Variants in BTRC observed in about 807,000 individuals in gnomAD.
The protein encoded by BTRC is beta-transducin repeat containing E3 ubiquitin protein ligase, also known as F-box/WD repeat-containing protein 1A.
In BTRC, 42 loss-of-function variants were observed where a neutral mutation model predicts 85.5. That is an observed-to-expected ratio of 0.49 (90% CI 0.38 to 0.64). The LOEUF is 0.64. BTRC is among the 30% of genes least tolerant of loss of function. The probability of loss-of-function intolerance (pLI) is 0.00; values close to 1 mark genes in which losing one functional copy is unlikely to be tolerated. For missense variants in BTRC, 594 were observed against 743.5 expected (o/e 0.80, Z 2.34); for synonymous variants, 255 against 263.3 (o/e 0.97, Z 0.30).
intron 1 of BTRC, among the ~76,000 whole-genome samples, chr10:101,363,973 A>G (rs1476114760): frequency 1.3e-5 from 2 of 152,126 alleles, no homozygotes; most frequent in East Asian, 3.9e-4. Context: ...ATTCTCTTGA[A>G]ATTGTGGGTT....
At chr10:101,376,312 AAG>A (rs1302762943) in intron 1 of BTRC, among the ~76,000 whole-genome samples, 19 of 152,184 alleles carry the variant, frequency 1.2e-4, no homozygotes, top group African/African-American at 4.3e-4. Flanking sequence ...GTGACAGAGC[AAG>A]ACTCCATCTC....
chr10:101,550,101 G>T lies in BTRC; in HGVS notation c.1657-598G>T, dbSNP rs2062626316. On this transcript the variant is annotated intron_variant, in intron 13 of 14. Coordinates refer to ENST00000370187, the MANE Select transcript of BTRC (RefSeq NM_033637.4). ...AACTTAGAAGATAAAAACCAGGGAG[G>T]TAGTAAGGAATGCTCTCATCCACCC... Among the ~76,000 whole-genome samples, 4 of 152,092 alleles carry T rather than the reference G, an allele frequency of 2.6e-5. No homozygotes were observed. The South Asian group carries it at 8.3e-4, about 32-fold the overall frequency.
chr10:101,495,664 T>C (rs1199815725), intron 4 of BTRC, among the ~76,000 whole-genome samples: 1 of 152,236 alleles, frequency 6.6e-6, no homozygotes, highest in Non-Finnish European at 1.5e-5. Context: ...AGTCCCTGTT[T>C]CCTTTATATC....
intron 1 of BTRC, among the ~76,000 whole-genome samples, chr10:101,366,386 A>G (rs1409810611): frequency 6.6e-6 from 1 of 152,144 alleles, no homozygotes; most frequent in East Asian, 1.9e-4. Flanking sequence ...ACAATCTAAT[A>G]AGATAGGCAT....
At chr10:101,365,011 C>T (rs1286653348) in intron 1 of BTRC, 1 of 151,772 alleles carries the variant, frequency 6.6e-6, no homozygotes, top group Non-Finnish European at 1.5e-5. Flanking sequence ...TACACTTGAT[C>T]TTAGCCAAAA....
chr10:101,475,900 GC>G (rs1250981211), intron 3 of BTRC, among the ~76,000 whole-genome samples: 1 of 109,754 alleles, frequency 9.1e-6, no homozygotes, highest in Non-Finnish European at 1.8e-5. Flanking sequence ...CAGAATATTT[GC>G]ATAGTCTCCA....
chr10:101,406,406 C>T (rs538240033), intron 1 of BTRC, among the ~76,000 whole-genome samples: 9 of 151,936 alleles, frequency 5.9e-5, no homozygotes, highest in East Asian at 5.8e-4. Context: ...CCTCGTGATC[C>T]GCCCGCCTCA....
chr10:101,437,933 G>T (rs796279338), intron 2 of BTRC, among the ~76,000 whole-genome samples: 52 of 152,322 alleles, frequency 3.4e-4, no homozygotes, highest in African/African-American at 1.2e-3. Flanking sequence ...AGCTGAGCTA[G>T]AATTAAAGTC....
intron 1 of BTRC, among the ~76,000 whole-genome samples, chr10:101,415,486 TTTATG>T (rs1191532968): frequency 0.069 from 1,180 of 17,042 alleles, 69 homozygotes; most frequent in African/African-American, 0.18. Context: ...TTTATTTTAT[TTTATG>T]TTATGTTATG....
chr10:101,496,582 A>G (rs1282974737), intron 4 of BTRC, among the ~76,000 whole-genome samples: 1 of 152,142 alleles, frequency 6.6e-6, no homozygotes, highest in Admixed American at 6.6e-5. Context: ...TTGCAATTTA[A>G]AAAATAATAA....
chr10:101,361,274 T>G (rs1031976647), intron 1 of BTRC, among the ~76,000 whole-genome samples: 2 of 151,940 alleles, frequency 1.3e-5, no homozygotes, highest in Non-Finnish European at 2.9e-5. Context: ...ACCTGGCTAA[T>G]TTTTTGTATT....
chr10:101,359,685 C>G (rs1452298923), intron 1 of BTRC, among the ~76,000 whole-genome samples: 2 of 151,520 alleles, frequency 1.3e-5, no homozygotes, highest in African/African-American at 4.8e-5. Flanking sequence ...ACTGCAACCT[C>G]TGCTTCTGAG....
intron 4 of BTRC, among the ~76,000 whole-genome samples, chr10:101,513,402 T>C (rs2061981144): frequency 6.6e-6 from 1 of 152,222 alleles, no homozygotes; most frequent in Non-Finnish European, 1.5e-5. Context: ...AACATTTTCA[T>C]TGTCCCAAAA....
At chr10:101,538,521 A>C in intron 13 of BTRC, 150 bp downstream of exon 13, 1 of 651,956 alleles carries the variant, frequency 1.5e-6, no homozygotes, top group Non-Finnish European at 2.7e-6. Flanking sequence ...ATGACAATAA[A>C]ATATGTTTAT....
Position 101,430,383 on chromosome 10 carries a change from C to T in BTRC, c.87C>T (p.Ser29=). ...MPRSLWLGCS[S]LADSMPSLRC... ...GGTCTCTGTGGCTGGGCTGCTCCAG[C>T]CTGGCGGACAGCATGCCTTCGCTGC... The change falls in exon 2 of 15, where the codon AGC becomes AGT. Residue 29 remains serine, a synonymous_variant. Transcript: ENST00000370187. 1 of 1,614,126 alleles carries T rather than the reference C, an allele frequency of 6.2e-7. No homozygotes were observed. Among genetic ancestry groups the T allele is most frequent in the Non-Finnish European group, 8.5e-7 (1 of 1,179,996 alleles).
chr10:101,408,021 C>T (rs1471207391), intron 1 of BTRC, among the ~76,000 whole-genome samples: 1 of 152,064 alleles, frequency 6.6e-6, no homozygotes, highest in Non-Finnish European at 1.5e-5. Flanking sequence ...TGCGCCTGGC[C>T]TAAACATTAT....
intron 1 of BTRC, among the ~76,000 whole-genome samples, chr10:101,425,752 G>A (rs556713102): frequency 6.6e-6 from 1 of 151,970 alleles, no homozygotes; most frequent in South Asian, 2.1e-4. Flanking sequence ...CAAGGGTGCA[G>A]TGAGCTGTGA....
intron 2 of BTRC, among the ~76,000 whole-genome samples, chr10:101,432,919 T>C (rs1192938131): frequency 6.6e-6 from 1 of 152,212 alleles, no homozygotes; most frequent in African/African-American, 2.4e-5. Context: ...AGGTATTCAC[T>C]GGGGCTCTAT....
At chr10:101,512,681 T>C (rs1028754829) in intron 4 of BTRC, among the ~76,000 whole-genome samples, 2 of 152,176 alleles carry the variant, frequency 1.3e-5, no homozygotes, top group Non-Finnish European at 2.9e-5. Flanking sequence ...TTCAGAGAAA[T>C]TCATGGTAAT....
Sources: allele counts gnomAD v4.1 joint callset (sites outside exome capture counted in the v4.1 genomes callset), GRCh38; gene constraint gnomAD v4.1.1; transcripts MANE v1.5; gene names NCBI Gene and HGNC (gene_info 2026-07-23, HGNC 2026-07-21).